The following ZCCHC7 variants were observed in gnomAD, a reference collection of about 807,000 sequenced individuals.
ZCCHC7 encodes the protein zinc finger CCHC domain-containing protein 7.
A neutral mutation model predicts 52.0 loss-of-function variants in ZCCHC7; 35 were observed. The ratio of observed to expected loss-of-function variants is 0.67; its 90% CI spans 0.51 to 0.89. The LOEUF is 0.89. ZCCHC7 is among the 40% of genes least tolerant of loss of function. The pLI, the probability that ZCCHC7 is intolerant of heterozygous loss-of-function variation, is 0.00. For synonymous variants in ZCCHC7, 217 were observed against 221.5 expected (o/e 0.98, Z 0.18); for missense variants, 574 against 649.1 (o/e 0.88, Z 1.26).
intron 7 of ZCCHC7, 132 bp downstream of exon 7, chr9:37,349,584 T>C: frequency 1.1e-6 from 1 of 875,768 alleles, no homozygotes; most frequent in South Asian, 1.8e-5. Flanking sequence ...TAATATATTT[T>C]CAACTGGTTT....
chr9:37,309,864 G>T (rs1042729718), intron 5 of ZCCHC7, among the ~76,000 whole-genome samples: 11 of 151,342 alleles, frequency 7.3e-5, no homozygotes, highest in Non-Finnish European at 1.6e-4. Context: ...AGAGGTTTCA[G>T]TGAGCCGAGA....
intron 2 of ZCCHC7, among the ~76,000 whole-genome samples, chr9:37,197,898 T>G (rs1161543065): frequency 6.6e-6 from 1 of 152,210 alleles, no homozygotes; most frequent in Non-Finnish European, 1.5e-5. Context: ...TCATTTAATA[T>G]ATGAGCAGGG....
At chr9:37,198,700 C>G (rs1469354830) in intron 2 of ZCCHC7, among the ~76,000 whole-genome samples, 2 of 152,314 alleles carry the variant, frequency 1.3e-5, no homozygotes, top group Admixed American at 6.5e-5. Context: ...ATAGAGCTTG[C>G]TCCCTCAAAC....
At chr9:37,138,602 A>G (rs1046347470) in intron 2 of ZCCHC7, among the ~76,000 whole-genome samples, 39 of 152,114 alleles carry the variant, frequency 2.6e-4, no homozygotes, top group Non-Finnish European at 2.9e-4. Flanking sequence ...AATTCATTGG[A>G]AACTGCTTAA....
intron 7 of ZCCHC7, among the ~76,000 whole-genome samples, chr9:37,350,783 T>C (rs1268723346): frequency 6.6e-6 from 1 of 152,242 alleles, no homozygotes; most frequent in Non-Finnish European, 1.5e-5. Flanking sequence ...GAGCCCATAC[T>C]TCTGGGAATC....
At chr9:37,222,328 AGT>A (rs74182938) in intron 2 of ZCCHC7, among the ~76,000 whole-genome samples, 19,147 of 132,754 alleles carry the variant, frequency 0.14, 1,119 homozygotes, top group Middle Eastern at 0.21. Flanking sequence ...AGAATAACAG[AGT>A]GTGTGTGTGT....
chr9:37,200,133 C>G (rs1008520354), intron 2 of ZCCHC7, among the ~76,000 whole-genome samples: 2 of 152,012 alleles, frequency 1.3e-5, no homozygotes, highest in Non-Finnish European at 2.9e-5. Flanking sequence ...ATTCTTAATC[C>G]TTTGTGTTTT....
chr9:37,267,609 A>C (rs1378758376), intron 2 of ZCCHC7, among the ~76,000 whole-genome samples: 9 of 127,110 alleles, frequency 7.1e-5, no homozygotes, highest in East Asian at 6.6e-4. Flanking sequence ...TCGCTCTGTC[A>C]CCCAGGCTGG....
chr9:37,197,466 A>G (rs1222477229), intron 2 of ZCCHC7, among the ~76,000 whole-genome samples: 4 of 152,240 alleles, frequency 2.6e-5, no homozygotes, highest in Non-Finnish European at 5.9e-5. Flanking sequence ...AAAGCACTTG[A>G]TGCTAGCTTG....
rs548233572 is a variant in ZCCHC7 at position 37,239,546 on chromosome 9, T to TA, written c.611-62641dup. ...GACAGGGAGGGTTTTAAGCATGGGA[T>TA]ACTGCCTTAGAAAACAGCAGGTATA... On this transcript the variant is annotated intron_variant, in intron 2 of 8. Coordinates refer to ENST00000336755, the MANE Select transcript of ZCCHC7 (RefSeq NM_032226.3). Among the ~76,000 whole-genome samples the TA allele has an allele frequency of 3.3e-5, 5 of 152,240 alleles. No individual in the cohort carries two copies. In the South Asian group the frequency reaches 1.0e-3, roughly 32 times the overall value.
At chr9:37,323,730 C>T (rs1433420298) in intron 5 of ZCCHC7, among the ~76,000 whole-genome samples, 1 of 152,038 alleles carries the variant, frequency 6.6e-6, no homozygotes, top group Non-Finnish European at 1.5e-5. Flanking sequence ...TTTTGATTGA[C>T]GGCAAATGCT....
intron 2 of ZCCHC7, among the ~76,000 whole-genome samples, chr9:37,173,631 T>C (rs993414615): frequency 3.9e-5 from 6 of 152,202 alleles, no homozygotes; most frequent in Admixed American, 6.5e-5. Flanking sequence ...GGGGAGATCA[T>C]TAAAGAATAT....
At chr9:37,301,775 C>T (rs537799466) in intron 2 of ZCCHC7, among the ~76,000 whole-genome samples, 2 of 152,264 alleles carry the variant, frequency 1.3e-5, no homozygotes, top group Non-Finnish European at 1.5e-5. Context: ...GTGACAGCTG[C>T]CTCAGTAAAG....
intron 2 of ZCCHC7, among the ~76,000 whole-genome samples, chr9:37,174,429 C>T (rs1170471959): frequency 6.6e-6 from 1 of 152,030 alleles, no homozygotes; most frequent in East Asian, 1.9e-4. Context: ...CATGAATGTC[C>T]AGGAAAAATG....
intron 2 of ZCCHC7, among the ~76,000 whole-genome samples, chr9:37,292,440 T>A (rs922491627): frequency 4.6e-5 from 7 of 152,184 alleles, no homozygotes; most frequent in Non-Finnish European, 8.8e-5. Flanking sequence ...TTCAGAAAAA[T>A]TAAAATGTTG....
chr9:37,256,134 A>G (rs1438421497), intron 2 of ZCCHC7, among the ~76,000 whole-genome samples: 1 of 152,178 alleles, frequency 6.6e-6, no homozygotes, highest in Non-Finnish European at 1.5e-5. Context: ...AGCCTTGTAG[A>G]ACCTGCCATT....
At chr9:37,225,786 A>AG (rs1588510449) in intron 2 of ZCCHC7, among the ~76,000 whole-genome samples, 1 of 152,208 alleles carries the variant, frequency 6.6e-6, no homozygotes, top group African/African-American at 2.4e-5. Context: ...TAGGAGTACA[A>AG]GGGGCACTTT....
intron 2 of ZCCHC7, among the ~76,000 whole-genome samples, chr9:37,173,089 G>GC (rs1314426002): frequency 6.6e-6 from 1 of 151,804 alleles, no homozygotes; most frequent in Non-Finnish European, 1.5e-5. Context: ...ACTTGAGTGA[G>GC]CAACGTGGCC....
At chr9:37,177,972 A>G (rs1822135709) in intron 2 of ZCCHC7, among the ~76,000 whole-genome samples, 1 of 152,226 alleles carries the variant, frequency 6.6e-6, no homozygotes. Flanking sequence ...TATGAGCTTC[A>G]GTTAATAAGG....
Sources: allele counts gnomAD v4.1 joint callset (sites outside exome capture counted in the v4.1 genomes callset), GRCh38; gene constraint gnomAD v4.1.1; transcripts MANE v1.5; gene names NCBI Gene and HGNC (gene_info 2026-07-23, HGNC 2026-07-21).